LRRC7: variants seen among roughly 807,000 people sequenced by gnomAD.
The protein encoded by LRRC7 is leucine-rich repeat-containing protein 7.
In LRRC7, 23 loss-of-function variants were observed where a neutral mutation model predicts 175.7. The ratio of observed to expected loss-of-function variants is 0.13; its 90% CI spans 0.09 to 0.19. LRRC7 has a LOEUF of 0.19. Among genes scored for constraint, LRRC7 ranks in the 10% least tolerant of loss-of-function variants. The pLI, the probability that LRRC7 is intolerant of heterozygous loss-of-function variation, is 1.00. For missense variants in LRRC7, 1,354 were observed against 1,904.7 expected (o/e 0.71, Z 5.38); for synonymous variants, 685 against 680.9 (o/e 1.01, Z -0.09).
intron 4 of LRRC7, among the ~76,000 whole-genome samples, chr1:69,817,238 T>A (rs1409490306): frequency 6.6e-6 from 1 of 150,772 alleles, no homozygotes; most frequent in East Asian, 2.0e-4. Context: ...TTTCAGGTCT[T>A]ATATATATAT....
chr1:69,957,182 A>C (rs12038059), intron 8 of LRRC7, among the ~76,000 whole-genome samples: 10,790 of 151,900 alleles, frequency 0.071, 412 homozygotes, highest in South Asian at 0.11. Flanking sequence ...TTAGCATTTT[A>C]TATCTACCAC....
chr1:70,105,444 G>A (rs957642514), intron 25 of LRRC7, among the ~76,000 whole-genome samples: 7 of 152,084 alleles, frequency 4.6e-5, no homozygotes, highest in African/African-American at 1.7e-4. Context: ...CCATTACTGT[G>A]TATTACCACT....
intron 7 of LRRC7, among the ~76,000 whole-genome samples, chr1:69,911,097 T>G (rs929232412): frequency 2.6e-5 from 4 of 152,206 alleles, no homozygotes; most frequent in African/African-American, 9.6e-5. Flanking sequence ...AGGTGCCGTC[T>G]GTCACCCCTT....
At chr1:69,890,081 A>G (rs6424605) in intron 7 of LRRC7, among the ~76,000 whole-genome samples, 84,331 of 151,940 alleles carry the variant, frequency 0.56, 23,471 homozygotes, top group East Asian at 0.7. Flanking sequence ...TAATGTTGAT[A>G]GTTTGATCTC....
At position 70,129,507 on chromosome 1, in the gene LRRC7, G is replaced by C. The variant is rs1461665186; in HGVS notation, c.*7620G>C. On this transcript the variant is annotated 3_prime_UTR_variant, in exon 27 of 27. Coordinates refer to ENST00000651989, the MANE Select transcript of LRRC7 (RefSeq NM_001370785.2). ...TGCCCCTGACGTTACGGGAGAAGGA[G>C]ATGGAATTCAACACTTTAAAAAGTG... is the stretch of plus-strand genomic sequence containing the variant. 6.6e-6 allele frequency among the ~76,000 whole-genome samples: 1 copy of C among 152,138 alleles called. No individual in the cohort carries two copies. The highest frequency in any genetic ancestry group is 1.5e-5 in the Non-Finnish European group (1 of 68,026).
At chr1:69,871,910 ATTT>A (rs1333487465) in intron 7 of LRRC7, among the ~76,000 whole-genome samples, 2 of 151,918 alleles carry the variant, frequency 1.3e-5, no homozygotes, top group Admixed American at 6.6e-5. Context: ...TATTTGCCAA[ATTT>A]TTCTAATGTA....
At chr1:70,077,636 A>G (rs747802388) in intron 24 of LRRC7, among the ~76,000 whole-genome samples, 2 of 152,196 alleles carry the variant, frequency 1.3e-5, no homozygotes, top group Non-Finnish European at 2.9e-5. Flanking sequence ...TTTCGCCTAC[A>G]TTGAAAAGTA....
chr1:69,714,833 C>T (rs879449409), intron 2 of LRRC7, among the ~76,000 whole-genome samples: 2 of 151,944 alleles, frequency 1.3e-5, no homozygotes, highest in African/African-American at 2.4e-5. Context: ...ATTTTTATCA[C>T]GTTAAAACCG....
At chr1:70,071,567 T>C (rs763133887) in intron 23 of LRRC7, among the ~76,000 whole-genome samples, 2 of 152,202 alleles carry the variant, frequency 1.3e-5, no homozygotes, top group Non-Finnish European at 2.9e-5. Flanking sequence ...TGTTGTTTTA[T>C]AAAATTACTG....
At chr1:69,670,929 G>T (rs771551040) in intron 1 of LRRC7, among the ~76,000 whole-genome samples, 1 of 152,180 alleles carries the variant, frequency 6.6e-6, no homozygotes, top group Admixed American at 6.5e-5. Context: ...TTTGGCCCAG[G>T]ATAGGTCAAG....
At chr1:69,671,120 G>A (rs76160893) in intron 1 of LRRC7, among the ~76,000 whole-genome samples, 12,072 of 152,142 alleles carry the variant, frequency 0.079, 678 homozygotes, top group African/African-American at 0.15. Context: ...AATGTGCTGA[G>A]TCTCACGTGA....
intron 1 of LRRC7, among the ~76,000 whole-genome samples, chr1:69,628,384 A>G (rs1433071729): frequency 2.0e-5 from 3 of 152,188 alleles, no homozygotes; most frequent in Non-Finnish European, 2.9e-5. Flanking sequence ...CTATATTAGC[A>G]TTCCCCCAAT....
At position 69,786,802 on chromosome 1, in the gene LRRC7, T is replaced by C. The variant is rs529310212; in HGVS notation, c.304-5241T>C. On this transcript the variant is annotated intron_variant, in intron 3 of 26. Transcript: ENST00000651989. ...ATTATGGGAGCTACAAGATGAGATT[T>C]GGGTGGGGATACAGCCAAACCATAT... 5.9e-5 allele frequency among the ~76,000 whole-genome samples: 9 copies of C among 152,250 alleles called. No homozygotes were observed. The East Asian group carries it at 1.7e-3, about 29-fold the overall frequency.
Position 69,907,193 on chromosome 1 carries a change from A to T in LRRC7, c.648-24314A>T, listed in dbSNP as rs577979099. Among the ~76,000 whole-genome samples the T allele has an allele frequency of 2.6e-5, 4 of 152,332 alleles. No homozygotes were observed. In the South Asian group the frequency reaches 8.3e-4, roughly 32 times the overall value. On this transcript the variant is annotated intron_variant, in intron 7 of 26. Transcript: ENST00000651989. Reference sequence around the variant, plus strand: ...AATGGGGTTTTCTAAATATACAATCATGTCATCTGCAAACAGGGACAATTT... The same window carrying T: ...AATGGGGTTTTCTAAATATACAATCTTGTCATCTGCAAACAGGGACAATTT...
chr1:69,688,387 G>T (rs1414410658), intron 2 of LRRC7, among the ~76,000 whole-genome samples: 1 of 152,080 alleles, frequency 6.6e-6, no homozygotes, highest in African/African-American at 2.4e-5. Flanking sequence ...TTGATGACCT[G>T]GTGCTACTGT....
intron 5 of LRRC7, among the ~76,000 whole-genome samples, chr1:69,830,960 G>A (rs551917289): frequency 7.2e-5 from 11 of 151,906 alleles, no homozygotes; most frequent in African/African-American, 2.6e-4. Context: ...GAAACAAAAT[G>A]TTCTATGTAA....
chr1:69,965,790 A>G (rs1651606415), intron 8 of LRRC7, among the ~76,000 whole-genome samples: 2 of 152,156 alleles, frequency 1.3e-5, no homozygotes, highest in African/African-American at 4.8e-5. Flanking sequence ...GTAATACATT[A>G]CTATTGGGAG....
At chr1:69,922,026 A>G (rs1243021108) in intron 7 of LRRC7, among the ~76,000 whole-genome samples, 1 of 152,142 alleles carries the variant, frequency 6.6e-6, no homozygotes, top group Non-Finnish European at 1.5e-5. Flanking sequence ...CCCAGATTCA[A>G]GCAATTCTCC....
intron 1 of LRRC7, among the ~76,000 whole-genome samples, chr1:69,589,728 G>A (rs956621428): frequency 6.6e-6 from 1 of 152,116 alleles, no homozygotes; most frequent in African/African-American, 2.4e-5. Context: ...TCACACTATA[G>A]TTTGGCTTAC....
Sources: allele counts gnomAD v4.1 joint callset (sites outside exome capture counted in the v4.1 genomes callset), GRCh38; gene constraint gnomAD v4.1.1; transcripts MANE v1.5; gene names NCBI Gene and HGNC (gene_info 2026-07-23, HGNC 2026-07-21).